GRIN3A: variants seen among roughly 807,000 people sequenced by gnomAD.
GRIN3A encodes glutamate receptor ionotropic, NMDA 3A.
Under a neutral mutation model 92.4 loss-of-function variants are expected in GRIN3A, and 47 were observed. The ratio of observed to expected loss-of-function variants is 0.51; its 90% CI spans 0.40 to 0.65. The LOEUF is 0.65. GRIN3A is among the 30% of genes least tolerant of loss of function. The probability of loss-of-function intolerance (pLI) is 0.00; values close to 1 mark genes in which losing one functional copy is unlikely to be tolerated. For synonymous variants in GRIN3A, 527 were observed against 540.6 expected (o/e 0.97, Z 0.35); for missense variants, 1,324 against 1,393.1 (o/e 0.95, Z 0.79).
intron 3 of GRIN3A, among the ~76,000 whole-genome samples, chr9:101,633,479 T>C (rs1828739240): frequency 6.6e-6 from 1 of 152,174 alleles, no homozygotes. Flanking sequence ...GAGTCATCAG[T>C]GGACGATTAG....
At chr9:101,727,150 G>A (rs1009529761) in intron 1 of GRIN3A, among the ~76,000 whole-genome samples, 1 of 152,110 alleles carries the variant, frequency 6.6e-6, no homozygotes, top group Admixed American at 6.5e-5. Flanking sequence ...AAGCAAATCT[G>A]ATTTTAAACA....
At chr9:101,605,062 A>G (rs1167006296) in intron 6 of GRIN3A, among the ~76,000 whole-genome samples, 4 of 152,250 alleles carry the variant, frequency 2.6e-5, no homozygotes, top group African/African-American at 9.6e-5. Flanking sequence ...CAGTCAGTCC[A>G]CTGTCCTCCT....
At chr9:101,724,154 A>G in intron 1 of GRIN3A, among the ~76,000 whole-genome samples, 1 of 150,822 alleles carries the variant, frequency 6.6e-6, no homozygotes, top group Non-Finnish European at 1.5e-5. Context: ...ACTGGGCGCC[A>G]TGGAGCAGGG....
At chr9:101,669,965 G>A (rs1829294848) in intron 3 of GRIN3A, 95 bp downstream of exon 3, 4 of 956,018 alleles carry the variant, frequency 4.2e-6, no homozygotes, top group African/African-American at 3.2e-5. Context: ...ATATTCCTGT[G>A]TTAGATGGAA....
At chr9:101,648,911 T>C (rs79515469) in intron 3 of GRIN3A, among the ~76,000 whole-genome samples, 2,657 of 152,168 alleles carry the variant, frequency 0.017, 33 homozygotes, top group Non-Finnish European at 0.028. Context: ...TGTTTTTTTT[T>C]CCCATTATGG....
chr9:101,674,208 T>C (rs1289168930), intron 2 of GRIN3A, among the ~76,000 whole-genome samples: 1 of 151,918 alleles, frequency 6.6e-6, no homozygotes, highest in East Asian at 1.9e-4. Context: ...CAAGGAGGCA[T>C]TGAGGGGAAT....
chr9:101,590,406 G>A (rs1226629747), intron 6 of GRIN3A, among the ~76,000 whole-genome samples: 1 of 127,476 alleles, frequency 7.8e-6, no homozygotes, highest in East Asian at 1.9e-4. Flanking sequence ...TTTTGAGATG[G>A]AATCTCGCTC....
At position 101,569,841 on chromosome 9, in the gene GRIN3A, G is replaced by A. The variant is rs973258172; in HGVS notation, c.*3333C>T. On this transcript the variant is annotated 3_prime_UTR_variant, in exon 9 of 9. Coordinates refer to ENST00000361820, the MANE Select transcript of GRIN3A (RefSeq NM_133445.3). ...TTTATTCTTTACCCACACCAAGGAA[G>A]TGCTTAACTTGCTCTAAGGCTCTAA... 3.9e-5 allele frequency: 6 copies of A among 152,132 alleles called. No individual in the cohort carries two copies. The highest frequency in any genetic ancestry group is 7.4e-5 in the Non-Finnish European group (5 of 68,024). The allele number at this position is 152,132 out of a possible 1,614,324, so 9.4% of individuals were successfully genotyped here. A position where few individuals can be genotyped will look rare whatever the true frequency, so the allele number is the denominator to read the frequency against.
chr9:101,730,443 G>T (rs1297008529), intron 1 of GRIN3A, among the ~76,000 whole-genome samples: 1 of 152,054 alleles, frequency 6.6e-6, no homozygotes, highest in African/African-American at 2.4e-5. Context: ...GGTACATATG[G>T]TGCAGTCCTC....
At chr9:101,595,799 T>A (rs1229997225) in intron 6 of GRIN3A, among the ~76,000 whole-genome samples, 1 of 152,206 alleles carries the variant, frequency 6.6e-6, no homozygotes, top group Non-Finnish European at 1.5e-5. Context: ...CCGAGTCACA[T>A]CTTTGTTGTT....
At chr9:101,648,503 A>G (rs1258560460) in intron 3 of GRIN3A, among the ~76,000 whole-genome samples, 3 of 151,962 alleles carry the variant, frequency 2.0e-5, no homozygotes, top group Admixed American at 6.6e-5. Flanking sequence ...TTTAACTCCA[A>G]TTTTTCCTTG....
At chr9:101,581,930 T>C (rs940477986) in intron 6 of GRIN3A, among the ~76,000 whole-genome samples, 8 of 152,190 alleles carry the variant, frequency 5.3e-5, no homozygotes, top group African/African-American at 1.9e-4. Context: ...TTTATGACAA[T>C]TTATAAGGTA....
intron 1 of GRIN3A, among the ~76,000 whole-genome samples, chr9:101,731,917 T>A (rs1377369630): frequency 6.6e-6 from 1 of 152,202 alleles, no homozygotes; most frequent in African/African-American, 2.4e-5. Flanking sequence ...AAACATTCAC[T>A]CAAAAAGTAA....
At chr9:101,603,782 T>C (rs893801181) in intron 6 of GRIN3A, among the ~76,000 whole-genome samples, 1 of 152,230 alleles carries the variant, frequency 6.6e-6, no homozygotes, top group Non-Finnish European at 1.5e-5. Context: ...CCAGTATGAT[T>C]GGGTGCAGTG....
chr9:101,580,196 C>CTT (rs1348425640), intron 6 of GRIN3A, among the ~76,000 whole-genome samples: 1 of 152,196 alleles, frequency 6.6e-6, no homozygotes, highest in Non-Finnish European at 1.5e-5. Flanking sequence ...TTACCCCTCC[C>CTT]TTGAAGTGCT....
chr9:101,686,896 A>C lies in GRIN3A; in HGVS notation c.1004T>G (p.Ile335Ser). 1 of 1,614,226 alleles carries C rather than the reference A, an allele frequency of 6.2e-7. No homozygotes were observed. Among genetic ancestry groups the C allele is most frequent in the South Asian group, 1.1e-5 (1 of 91,082 alleles). ...VVMFGCDMES[I>S]RRIFEITTQF... is the part of the protein sequence containing the mutation. ...GGTTGTAATTTCGAAAATCCGCCGG[A>C]TACTTTCCATGTCGCAGCCAAACAT... The change falls in exon 2 of 9, where the codon ATC becomes AGC. Residue 335 changes from isoleucine (I) to serine (S), a missense_variant. Ile to Ser is a moderately radical substitution (Grantham distance 142). Transcript: ENST00000361820.
chr9:101,637,229 A>T (rs186524196), intron 3 of GRIN3A, among the ~76,000 whole-genome samples: 2 of 152,232 alleles, frequency 1.3e-5, no homozygotes, highest in Admixed American at 1.3e-4. Context: ...AGTAGATGGG[A>T]CTACAGGCGC....
At chr9:101,698,653 G>C (rs1329083962) in intron 1 of GRIN3A, among the ~76,000 whole-genome samples, 5 of 151,986 alleles carry the variant, frequency 3.3e-5, no homozygotes, top group Admixed American at 1.3e-4. Context: ...TGTACATTTA[G>C]GCTACACAAA....
intron 1 of GRIN3A, among the ~76,000 whole-genome samples, chr9:101,721,748 G>A (rs1480145265): frequency 3.3e-5 from 5 of 152,162 alleles, no homozygotes; most frequent in African/African-American, 4.8e-5. Flanking sequence ...CTAGAGATTT[G>A]TGGAACTTTG....
Sources: allele counts gnomAD v4.1 joint callset (sites outside exome capture counted in the v4.1 genomes callset), GRCh38; gene constraint gnomAD v4.1.1; transcripts MANE v1.5; gene names NCBI Gene and HGNC (gene_info 2026-07-23, HGNC 2026-07-21).